Variants in SYNE2 observed in about 807,000 individuals in gnomAD.
SYNE2 encodes spectrin repeat containing nuclear envelope protein 2.
SYNE2 carries 431 observed loss-of-function variants against 856.3 expected under a neutral mutation model. The observed-to-expected ratio is 0.50, with a 90% CI of 0.47 to 0.55. The LOEUF (loss-of-function observed/expected upper bound fraction) is 0.55. SYNE2 is among the 20% of genes least tolerant of loss of function. The probability of loss-of-function intolerance (pLI) is 0.00; values close to 1 mark genes in which losing one functional copy is unlikely to be tolerated. For synonymous variants in SYNE2, 2,923 were observed against 2,872.3 expected (o/e 1.02, Z -0.56); for missense variants, 8,129 against 8,023.2 (o/e 1.01, Z -0.50).
intron 96 of SYNE2, among the ~76,000 whole-genome samples, chr14:64,179,963 A>C (rs1317814202): frequency 6.6e-6 from 1 of 152,252 alleles, no homozygotes; most frequent in Non-Finnish European, 1.5e-5. Flanking sequence ...CTAAAGTCAT[A>C]AAATACGTGC....
intron 1 of SYNE2, among the ~76,000 whole-genome samples, chr14:63,766,139 C>A (rs981861851): frequency 1.3e-5 from 2 of 150,206 alleles, no homozygotes; most frequent in African/African-American, 4.9e-5. Flanking sequence ...AGTGCAGTGG[C>A]ATGATCTCGG....
chr14:64,019,349 A>C (rs1254641282), intron 34 of SYNE2, among the ~76,000 whole-genome samples: 1 of 152,204 alleles, frequency 6.6e-6, no homozygotes, highest in East Asian at 1.9e-4. Flanking sequence ...GTTCAACGTA[A>C]CATAAAAATG....
In SYNE2 at chr14:64,158,610, C is replaced by T; in HGVS notation, c.15793-15C>T. The T allele has an allele frequency of 3.1e-6, 5 of 1,613,630 alleles. No homozygotes were observed. Among genetic ancestry groups the T allele is most frequent in the Non-Finnish European group, 4.2e-6 (5 of 1,179,722 alleles). On this transcript the variant is annotated splice_polypyrimidine_tract_variant and intron_variant, in intron 85 of 115. Transcript: ENST00000555002. Reference sequence around the variant, plus strand: ...AGTGATTTTCTAAATCAGTACGTTTCCACTTTTTGTCTAGGTCAATCAGCT... The same window carrying T: ...AGTGATTTTCTAAATCAGTACGTTTTCACTTTTTGTCTAGGTCAATCAGCT...
chr14:64,017,848 A>G, intron 34 of SYNE2, 92 bp downstream of exon 34: 1 of 1,278,598 alleles, frequency 7.8e-7, no homozygotes, highest in Non-Finnish European at 1.1e-6. Context: ...TAGGATGCTC[A>G]TATGTGACTT....
rs779790295 is a variant in SYNE2, at chr14:63,997,409, T to C, written c.3243+18T>C. The C allele has an allele frequency of 6.3e-7, 1 of 1,594,734 alleles. No individual in the cohort carries two copies. The highest frequency in any genetic ancestry group is 2.2e-5 in the East Asian group (1 of 44,678). On this transcript the variant is annotated intron_variant, in intron 25 of 115. Transcript: ENST00000555002. ...CTGAAAAGGTGTTAAATGTGGATAATGTATTTTAGAAGTAAACCCAAAGTA... is the reference window on the plus strand; with the variant it reads ...CTGAAAAGGTGTTAAATGTGGATAACGTATTTTAGAAGTAAACCCAAAGTA...
chr14:63,998,854 C>T (rs1028412461), intron 26 of SYNE2, 60 bp from the exon 27 acceptor site: 20 of 1,596,084 alleles, frequency 1.3e-5, no homozygotes, highest in African/African-American at 2.7e-5. Context: ...TGAGCCACTG[C>T]GCTTGGCCTG....
chr14:64,149,973 G>A (rs1487847920), intron 84 of SYNE2, among the ~76,000 whole-genome samples: 1 of 144,670 alleles, frequency 6.9e-6, no homozygotes, highest in Non-Finnish European at 1.5e-5. Flanking sequence ...GGTTGTTCGT[G>A]TGCTGCTATT....
At chr14:64,171,717 G>A (rs991120307) in intron 94 of SYNE2, among the ~76,000 whole-genome samples, 1 of 152,242 alleles carries the variant, frequency 6.6e-6, no homozygotes, top group Non-Finnish European at 1.5e-5. Flanking sequence ...GTAGTGGCAG[G>A]AGGTGAACTA....
At chr14:63,865,730 A>AAAT (rs1201390139) in intron 1 of SYNE2, among the ~76,000 whole-genome samples, 1 of 136,706 alleles carries the variant, frequency 7.3e-6, no homozygotes, top group Non-Finnish European at 1.6e-5. Context: ...CCCCCAAAAA[A>AAAT]AAAGAAAAGA....
At chr14:64,082,862 C>G (rs1417468333) in intron 57 of SYNE2, among the ~76,000 whole-genome samples, 1 of 152,178 alleles carries the variant, frequency 6.6e-6, no homozygotes, top group African/African-American at 2.4e-5. Flanking sequence ...CACACATGCC[C>G]CACGTGTCCA....
intron 64 of SYNE2, among the ~76,000 whole-genome samples, chr14:64,104,279 C>A (rs1250294189): frequency 6.6e-6 from 1 of 152,048 alleles, no homozygotes; most frequent in African/African-American, 2.4e-5. Flanking sequence ...GTGACCACCT[C>A]TTCCTTCTTT....
At chr14:64,164,313 T>C (rs1293810586) in intron 89 of SYNE2, among the ~76,000 whole-genome samples, 2 of 152,134 alleles carry the variant, frequency 1.3e-5, no homozygotes, top group East Asian at 1.9e-4. Context: ...GGTTTCACCA[T>C]GTTAGCCAGG....
At chr14:64,019,920 G>A (rs2096923925) in intron 34 of SYNE2, 72 bp from the exon 35 acceptor site, 4 of 982,816 alleles carry the variant, frequency 4.1e-6, no homozygotes, top group South Asian at 4.0e-5. Context: ...TATATAAACA[G>A]TAGTAATTAT....
chr14:64,024,860 T>C (rs1336880598), intron 39 of SYNE2, 52 bp from the exon 40 acceptor site: 1 of 1,603,928 alleles, frequency 6.2e-7, no homozygotes, highest in East Asian at 2.2e-5. Flanking sequence ...TTTTCTTTGG[T>C]ATAAACACTT....
intron 45 of SYNE2, among the ~76,000 whole-genome samples, chr14:64,041,625 G>T (rs2097148976): frequency 6.6e-6 from 1 of 152,096 alleles, no homozygotes; most frequent in Admixed American, 6.5e-5. Flanking sequence ...GAGGCAGGAG[G>T]ATTGCTTGAG....
intron 11 of SYNE2, among the ~76,000 whole-genome samples, chr14:63,972,592 G>A (rs931029756): frequency 1.3e-5 from 2 of 152,152 alleles, no homozygotes; most frequent in African/African-American, 4.8e-5. Context: ...GTAGAAAATA[G>A]CAACATTATG....
At chr14:63,772,448 A>G (rs1388344664) in intron 1 of SYNE2, among the ~76,000 whole-genome samples, 1 of 152,134 alleles carries the variant, frequency 6.6e-6, no homozygotes, top group South Asian at 2.1e-4. Context: ...TACTTTTAAG[A>G]AATCTAAGCT....
intron 60 of SYNE2, among the ~76,000 whole-genome samples, chr14:64,092,615 G>A (rs924746814): frequency 2.0e-5 from 3 of 152,122 alleles, no homozygotes; most frequent in Non-Finnish European, 4.4e-5. Flanking sequence ...GTTTTAAAAG[G>A]CATTTTGCTT....
intron 1 of SYNE2, among the ~76,000 whole-genome samples, chr14:63,803,793 G>C (rs1273183129): frequency 6.6e-6 from 1 of 152,340 alleles, no homozygotes; most frequent in Admixed American, 6.5e-5. Context: ...AGCGAGCGAG[G>C]ACTGTGAGGA....
Sources: gnomAD v4.1 joint callset for allele counts (sites outside exome capture counted in the v4.1 genomes callset) on GRCh38, gnomAD v4.1.1 for gene constraint, MANE v1.5 for transcripts, NCBI Gene and HGNC (gene_info 2026-07-23, HGNC 2026-07-21) for gene names.